KLHL20: variants seen among roughly 807,000 people sequenced by gnomAD.
KLHL20 encodes the protein kelch-like protein 20.
In KLHL20, 29 loss-of-function variants were observed where a neutral mutation model predicts 69.5. That is an observed-to-expected ratio of 0.42 (90% CI 0.31 to 0.57). The LOEUF is 0.57. KLHL20 is among the 20% of genes least tolerant of loss of function. The probability of loss-of-function intolerance (pLI) is 0.18; values close to 1 mark genes in which losing one functional copy is unlikely to be tolerated. For missense variants in KLHL20, 419 were observed against 776.0 expected (o/e 0.54, Z 5.47); for synonymous variants, 253 against 265.2 (o/e 0.95, Z 0.45).
rs60793132 is a variant in KLHL20 at position 173,739,646 on chromosome 1, CTTTTTTT to C, written c.597+5376_597+5382del. Among the ~76,000 whole-genome samples, 246 of 89,930 alleles carry C rather than the reference CTTTTTTT, an allele frequency of 2.7e-3. 1 individual carries two copies. Among genetic ancestry groups the C allele is most frequent in the African/African-American group, 9.3e-3 (232 of 25,066 alleles). 59.0% of individuals were successfully genotyped at this position (89,930 alleles called of 152,430 possible). On this transcript the variant is annotated intron_variant, in intron 3 of 11. Transcript: ENST00000209884. ...CTGTGGTATCGGTTGTAATATCTCCCTTTTTTTTTTTTTTTTTTTTTTGAGATGGAGT... is the reference window on the plus strand; with the variant it reads ...CTGTGGTATCGGTTGTAATATCTCCCTTTTTTTTTTTTTTTGAGATGGAGT...
chr1:173,742,148 T>C (rs185891832), intron 3 of KLHL20, among the ~76,000 whole-genome samples: 2 of 152,236 alleles, frequency 1.3e-5, no homozygotes, highest in East Asian at 3.9e-4. Context: ...TTAAAATAAC[T>C]AAAACACAAA....
intron 2 of KLHL20, among the ~76,000 whole-genome samples, chr1:173,718,884 C>G (rs541455641): frequency 1.5e-4 from 23 of 151,808 alleles, no homozygotes; most frequent in Non-Finnish European, 2.9e-4. Context: ...GCAGGCGGAT[C>G]ACAAGGTCAG....
chr1:173,716,126 T>A (rs1283728345), intron 2 of KLHL20, 60 bp downstream of exon 2: 33 of 1,529,978 alleles, frequency 2.2e-5, no homozygotes, highest in Non-Finnish European at 2.7e-5. Flanking sequence ...TGTAATAATT[T>A]AAATTTTTAA....
At chr1:173,763,031 C>T (rs2102515509) in intron 7 of KLHL20, among the ~76,000 whole-genome samples, 1 of 152,280 alleles carries the variant, frequency 6.6e-6, no homozygotes, top group African/African-American at 2.4e-5. Flanking sequence ...AGCATAGTTT[C>T]CGGATACAAG....
At chr1:173,769,167 T>A (rs1433347552) in intron 8 of KLHL20, among the ~76,000 whole-genome samples, 1 of 152,170 alleles carries the variant, frequency 6.6e-6, no homozygotes, top group Non-Finnish European at 1.5e-5. Flanking sequence ...TTGTAGGATG[T>A]TTAACAGCAT....
rs1329254402 is a variant in KLHL20 at position 173,749,935 on chromosome 1, T to C, written c.598-1829T>C. 1.4e-4 allele frequency among the ~76,000 whole-genome samples: 21 copies of C among 152,308 alleles called. 1 individual carries two copies. Among genetic ancestry groups the C allele is most frequent in the East Asian group, 3.9e-4 (2 of 5,190 alleles). On this transcript the variant is annotated intron_variant, in intron 3 of 11. Transcript: ENST00000209884. ...AAGCCCCAAATTTAGCGCTGGACTT[T>C]ATAGTCCCTCAACACAAGGTTAACA...
chr1:173,774,797 T>C (rs1648347171), intron 9 of KLHL20, among the ~76,000 whole-genome samples: 1 of 151,982 alleles, frequency 6.6e-6, no homozygotes, highest in South Asian at 2.1e-4. Flanking sequence ...TACAAATTCG[T>C]TTATTTGGGT....
chr1:173,746,103 A>G (rs1571887804), intron 3 of KLHL20, among the ~76,000 whole-genome samples: 1 of 152,216 alleles, frequency 6.6e-6, no homozygotes, highest in East Asian at 1.9e-4. Flanking sequence ...CCATTAATGT[A>G]ACTTACATTA....
chr1:173,773,954 A>G (rs1234597929), intron 8 of KLHL20, among the ~76,000 whole-genome samples: 1 of 149,226 alleles, frequency 6.7e-6, no homozygotes, highest in Non-Finnish European at 1.5e-5. Flanking sequence ...CGGAGCTTGC[A>G]GTGAGCTGAG....
chr1:173,750,933 T>A (rs1673281691), intron 3 of KLHL20, among the ~76,000 whole-genome samples: 2 of 152,206 alleles, frequency 1.3e-5, no homozygotes, highest in South Asian at 4.1e-4. Flanking sequence ...ATATTCTGAC[T>A]TTTTGATGAG....
chr1:173,775,782 A>G lies in KLHL20; in HGVS notation c.1578A>G (p.Arg526=), dbSNP rs567922381. 6.2e-7 allele frequency: 1 copy of G among 1,614,200 alleles called. No individual in the cohort carries two copies. Among genetic ancestry groups the G allele is most frequent in the African/African-American group, 1.3e-5 (1 of 75,032 alleles). ...DDTTELSSAE[R]YNPRTNQWSP... ...CTACAGAGCTGAGCAGTGCTGAGAG[A>G]TACAACCCCAGAACCAACCAGTGGT... The change falls in exon 10 of 12, where the codon AGA becomes AGG. Residue 526 remains arginine (R), a synonymous_variant. Coordinates refer to ENST00000209884, the MANE Select transcript of KLHL20 (RefSeq NM_014458.4).
chr1:173,780,803 C>T (rs1260709899), intron 10 of KLHL20, among the ~76,000 whole-genome samples: 1 of 151,952 alleles, frequency 6.6e-6, no homozygotes, highest in Non-Finnish European at 1.5e-5. Flanking sequence ...GATCTTGGCT[C>T]ACTGCAACCT....
chr1:173,715,296 A>C (rs1467664047), intron 1 of KLHL20: 1 of 152,188 alleles, frequency 6.6e-6, no homozygotes, highest in African/African-American at 2.4e-5. Context: ...GAGCCAGAGG[A>C]GGCCCCGGGC....
intron 3 of KLHL20, among the ~76,000 whole-genome samples, chr1:173,740,492 A>T (rs1235039987): frequency 6.6e-6 from 1 of 151,540 alleles, no homozygotes; most frequent in African/African-American, 2.4e-5. Flanking sequence ...TAGATTGTCT[A>T]TTTGTACTCT....
intron 2 of KLHL20, among the ~76,000 whole-genome samples, chr1:173,722,483 G>A (rs552865268): frequency 6.6e-5 from 10 of 151,954 alleles, no homozygotes; most frequent in Non-Finnish European, 1.2e-4. Flanking sequence ...TAAGCCAGGC[G>A]TGGTAGCATG....
intron 3 of KLHL20, among the ~76,000 whole-genome samples, chr1:173,739,338 C>T (rs1312006310): frequency 6.6e-6 from 1 of 152,158 alleles, no homozygotes. Context: ...TCCCAAAGTG[C>T]TGGGATTACA....
intron 7 of KLHL20, among the ~76,000 whole-genome samples, chr1:173,763,866 T>TTAAA (rs1553286851): frequency 2.4e-4 from 29 of 119,518 alleles, no homozygotes; most frequent in African/African-American, 7.7e-4. Context: ...GCAAATGCAA[T>TTAAA]AAAAAAAAAA....
intron 2 of KLHL20, among the ~76,000 whole-genome samples, chr1:173,728,990 TAAA>T (rs1411767211): frequency 6.6e-6 from 1 of 151,774 alleles, no homozygotes; most frequent in Non-Finnish European, 1.5e-5. Context: ...GCAAGACTAA[TAAA>T]GAAGAAAAGA....
intron 7 of KLHL20, among the ~76,000 whole-genome samples, chr1:173,757,645 A>G (rs1673606568): frequency 6.6e-6 from 1 of 151,196 alleles, no homozygotes; most frequent in Non-Finnish European, 1.5e-5. Flanking sequence ...AGCCTAGGCA[A>G]AAGAGCGAGA....
Sources: allele counts gnomAD v4.1 joint callset (sites outside exome capture counted in the v4.1 genomes callset), GRCh38; gene constraint gnomAD v4.1.1; transcripts MANE v1.5; gene names NCBI Gene and HGNC (gene_info 2026-07-23, HGNC 2026-07-21).